Variants in TBCK observed in about 807,000 individuals in gnomAD.
The protein encoded by TBCK is TBC domain-containing protein kinase-like protein.
In TBCK, 99 loss-of-function variants were observed where a neutral mutation model predicts 113.4. That is an observed-to-expected ratio of 0.87 (90% CI 0.74 to 1.03). The LOEUF is 1.03. Among genes scored for constraint, TBCK ranks in the 50% least tolerant of loss-of-function variants. The probability of loss-of-function intolerance (pLI) is 0.00; values close to 1 mark genes in which losing one functional copy is unlikely to be tolerated. For missense variants in TBCK, 1,045 were observed against 1,061.3 expected (o/e 0.98, Z 0.21); for synonymous variants, 369 against 370.8 (o/e 1.00, Z 0.05).
intron 12 of TBCK, among the ~76,000 whole-genome samples, chr4:106,237,094 CT>C (rs1260418884): frequency 6.6e-6 from 1 of 151,790 alleles, no homozygotes; most frequent in African/African-American, 2.4e-5. Context: ...CTCAGAATTA[CT>C]AGCACTAGTA....
intron 24 of TBCK, among the ~76,000 whole-genome samples, chr4:106,109,921 G>A (rs749753281): frequency 4.6e-5 from 7 of 152,116 alleles, no homozygotes; most frequent in African/African-American, 1.2e-4. Context: ...TAAAAGCTTT[G>A]GAAAAGCATT....
intron 3 of TBCK, 34 bp from the exon 4 acceptor site, chr4:106,262,246 C>T (rs539146762): frequency 8.1e-7 from 1 of 1,229,060 alleles, no homozygotes; most frequent in Non-Finnish European, 1.2e-6. Context: ...AGATCAATTA[C>T]AAAGCAAATA....
In TBCK at chr4:106,239,027, G is replaced by A. The variant is rs145044484; in HGVS notation, c.1171-2219C>T. 5.3e-5 allele frequency among the ~76,000 whole-genome samples: 8 copies of A among 152,036 alleles called. 1 individual carries two copies. Among genetic ancestry groups the A allele is most frequent in the African/African-American group, 9.7e-5 (4 of 41,430 alleles). Reference sequence around the variant, plus strand: ...GAAAAATACCCTTGACTTCCTGCAGGGGGAGGTGGAAAGTAACCAATCTGA... The same window carrying A: ...GAAAAATACCCTTGACTTCCTGCAGAGGGAGGTGGAAAGTAACCAATCTGA... On this transcript the variant is annotated intron_variant, in intron 12 of 25. Coordinates refer to ENST00000394708, the MANE Select transcript of TBCK (RefSeq NM_001163435.3).
At chr4:106,112,222 T>C (rs904414374) in intron 24 of TBCK, among the ~76,000 whole-genome samples, 1 of 152,158 alleles carries the variant, frequency 6.6e-6, no homozygotes. Flanking sequence ...GTTATGACCC[T>C]GATATCATCA....
chr4:106,212,702 T>C, intron 20 of TBCK, 48 bp downstream of exon 20: 1 of 1,365,808 alleles, frequency 7.3e-7, no homozygotes, highest in South Asian at 1.2e-5. Context: ...TAATAATTTC[T>C]GCTTTTTTTT....
At position 106,075,966 on chromosome 4, in the gene TBCK, C is replaced by G. The variant is rs1287463475; in HGVS notation, c.2571+19516G>C. Among the ~76,000 whole-genome samples, 9 of 152,344 alleles carry G rather than the reference C, an allele frequency of 5.9e-5. No individual in the cohort carries two copies. The East Asian group carries it at 1.5e-3, about 26-fold the overall frequency. On this transcript the variant is annotated intron_variant, in intron 25 of 25. Coordinates refer to ENST00000394708, the MANE Select transcript of TBCK (RefSeq NM_001163435.3). ...ATGTGGCAGCATTCACACTCAAAAGCCTTCGGAGCTCACTGAGTTAAGGGT... is the reference window on the plus strand; with the variant it reads ...ATGTGGCAGCATTCACACTCAAAAGGCTTCGGAGCTCACTGAGTTAAGGGT...
chr4:106,278,558 CAAAAAAAAAAA>C (rs376599844), intron 3 of TBCK, among the ~76,000 whole-genome samples: 19 of 22,136 alleles, frequency 8.6e-4, no homozygotes, highest in Non-Finnish European at 1.1e-3. Context: ...AACTCTGTCT[CAAAAAAAAAAA>C]AAAAAAAAAA....
intron 25 of TBCK, among the ~76,000 whole-genome samples, chr4:106,087,762 T>C (rs1224863633): frequency 6.6e-6 from 1 of 152,056 alleles, no homozygotes; most frequent in Admixed American, 6.6e-5. Flanking sequence ...TACAGACCAA[T>C]GGAGCAGAAC....
intron 19 of TBCK, among the ~76,000 whole-genome samples, chr4:106,225,758 T>C (rs1375513997): frequency 6.6e-6 from 1 of 152,096 alleles, no homozygotes; most frequent in Non-Finnish European, 1.5e-5. Flanking sequence ...CGCCCAGCTT[T>C]TTTGGCCTTT....
chr4:106,189,224 T>G (rs1753378204), intron 22 of TBCK, among the ~76,000 whole-genome samples: 1 of 151,898 alleles, frequency 6.6e-6, no homozygotes, highest in Non-Finnish European at 1.5e-5. Flanking sequence ...AACCTCCAAA[T>G]TTAATTTCCA....
intron 19 of TBCK, among the ~76,000 whole-genome samples, chr4:106,216,418 G>C (rs991315858): frequency 6.6e-6 from 1 of 152,128 alleles, no homozygotes; most frequent in Non-Finnish European, 1.5e-5. Flanking sequence ...AAAAATTACT[G>C]AATCCAGGAG....
chr4:106,130,215 A>G (rs1745719101), intron 23 of TBCK, among the ~76,000 whole-genome samples: 1 of 152,198 alleles, frequency 6.6e-6, no homozygotes, highest in African/African-American at 2.4e-5. Context: ...ATCAACATTA[A>G]CTTCTGGAGA....
At chr4:106,107,166 C>T (rs1032594182) in intron 24 of TBCK, among the ~76,000 whole-genome samples, 3 of 152,070 alleles carry the variant, frequency 2.0e-5, no homozygotes, top group Non-Finnish European at 4.4e-5. Flanking sequence ...AAAGAGACAT[C>T]GACTCCCACA....
chr4:106,234,379 G>C (rs1759220252), intron 15 of TBCK, among the ~76,000 whole-genome samples: 1 of 152,088 alleles, frequency 6.6e-6, no homozygotes, highest in Admixed American at 6.6e-5. Flanking sequence ...CTTATCAAGG[G>C]AATCAGGAAT....
intron 21 of TBCK, among the ~76,000 whole-genome samples, chr4:106,194,461 AT>A (rs1362459966): frequency 6.6e-6 from 1 of 151,812 alleles, no homozygotes; most frequent in Non-Finnish European, 1.5e-5. Flanking sequence ...ATTATAGTTA[AT>A]TTTTTTTCAA....
chr4:106,054,044 C>T (rs1413998020), intron 25 of TBCK, among the ~76,000 whole-genome samples: 1 of 151,702 alleles, frequency 6.6e-6, no homozygotes, highest in Non-Finnish European at 1.5e-5. Flanking sequence ...TGGTCTAACC[C>T]TCACACAACG....
intron 3 of TBCK, among the ~76,000 whole-genome samples, chr4:106,263,670 T>C (rs2150106264): frequency 6.6e-6 from 1 of 152,058 alleles, no homozygotes; most frequent in East Asian, 1.9e-4. Context: ...TTAATAATCC[T>C]GACTTTAAAA....
At chr4:106,178,809 T>A (rs1410979620) in intron 22 of TBCK, among the ~76,000 whole-genome samples, 1 of 151,824 alleles carries the variant, frequency 6.6e-6, no homozygotes, top group African/African-American at 2.4e-5. Context: ...ATTTTTTTTT[T>A]AAGAATTTGA....
At chr4:106,140,317 C>A (rs1170596555) in intron 23 of TBCK, among the ~76,000 whole-genome samples, 1 of 140,482 alleles carries the variant, frequency 7.1e-6, no homozygotes, top group East Asian at 2.0e-4. Flanking sequence ...GCATTTCTGG[C>A]CACATTGCCA....
Sources: gnomAD v4.1 joint callset for allele counts (sites outside exome capture counted in the v4.1 genomes callset) on GRCh38, gnomAD v4.1.1 for gene constraint, MANE v1.5 for transcripts, NCBI Gene and HGNC (gene_info 2026-07-23, HGNC 2026-07-21) for gene names.